Variants in SMOC2 observed in about 807,000 individuals in gnomAD.
SMOC2 encodes the protein SPARC-related modular calcium-binding protein 2.
Under a neutral mutation model 61.4 loss-of-function variants are expected in SMOC2, and 39 were observed. The ratio of observed to expected loss-of-function variants is 0.64; its 90% CI spans 0.49 to 0.83. The LOEUF is 0.83. SMOC2 is among the 40% of genes least tolerant of loss of function. SMOC2 has a pLI of 0.00. For synonymous variants in SMOC2, 247 were observed against 239.9 expected (o/e 1.03, Z -0.27); for missense variants, 556 against 592.9 (o/e 0.94, Z 0.65).
At chr6:168,501,489 G>T (rs1386445762) in intron 1 of SMOC2, among the ~76,000 whole-genome samples, 1 of 151,892 alleles carries the variant, frequency 6.6e-6, no homozygotes, top group Non-Finnish European at 1.5e-5. Flanking sequence ...CTCGCCACGG[G>T]GCCAGGAACC....
chr6:168,630,280 GC>G (rs1786532494), intron 9 of SMOC2, among the ~76,000 whole-genome samples: 1 of 152,208 alleles, frequency 6.6e-6, no homozygotes, highest in African/African-American at 2.4e-5. Flanking sequence ...TGAAGCCATG[GC>G]AGAAGAACGT....
intron 11 of SMOC2, among the ~76,000 whole-genome samples, chr6:168,659,170 A>G (rs373712721): frequency 6.6e-6 from 1 of 152,000 alleles, no homozygotes; most frequent in South Asian, 2.1e-4. Flanking sequence ...GCATTCATCT[A>G]TGTGTCCTAC....
chr6:168,616,063 A>C (rs941212060), intron 9 of SMOC2, among the ~76,000 whole-genome samples: 4 of 152,214 alleles, frequency 2.6e-5, no homozygotes, highest in Non-Finnish European at 4.4e-5. Context: ...CAAAGCAGAC[A>C]GGAGCCGGCC....
At chr6:168,664,368 T>C (rs183348499) in intron 12 of SMOC2, 286 of 497,546 alleles carry the variant, frequency 5.7e-4, no homozygotes, top group African/African-American at 5.5e-3. Context: ...TTTCTGAGTT[T>C]CCTTGTTTGG....
intron 9 of SMOC2, among the ~76,000 whole-genome samples, chr6:168,616,893 G>C (rs921978378): frequency 4.6e-5 from 7 of 152,160 alleles, no homozygotes; most frequent in African/African-American, 2.4e-5. Context: ...CTGCACTGCG[G>C]GGGGGTTGCA....
At chr6:168,589,002 G>A (rs1317827268) in intron 7 of SMOC2, among the ~76,000 whole-genome samples, 1 of 151,666 alleles carries the variant, frequency 6.6e-6, no homozygotes, top group Non-Finnish European at 1.5e-5. Context: ...ACTTGAACCG[G>A]GGAGGTGGAG....
At chr6:168,629,308 T>G (rs1786503360) in intron 9 of SMOC2, among the ~76,000 whole-genome samples, 1 of 152,230 alleles carries the variant, frequency 6.6e-6, no homozygotes, top group Non-Finnish European at 1.5e-5. Context: ...CTTTTGATTC[T>G]TCCCACATGG....
intron 1 of SMOC2, among the ~76,000 whole-genome samples, chr6:168,477,298 G>A (rs1782110335): frequency 6.6e-6 from 1 of 152,222 alleles, no homozygotes; most frequent in Non-Finnish European, 1.5e-5. Context: ...GCAACCTCAT[G>A]CCCACACTGG....
In SMOC2 at chr6:168,635,370, C is replaced by G. The variant is rs989175060; in HGVS notation, c.908-15311C>G. 7.9e-5 allele frequency among the ~76,000 whole-genome samples: 12 copies of G among 152,276 alleles called. 1 individual carries two copies. In the South Asian group the frequency reaches 8.3e-4, roughly 11 times the overall value. On this transcript the variant is annotated intron_variant, in intron 9 of 12. Transcript: ENST00000356284. ...TAAAGAGCGCAGGGAAAAAATAAAC[C>G]CTCAGATCATTCCATTCTGTGGGGG...
intron 7 of SMOC2, among the ~76,000 whole-genome samples, chr6:168,571,818 G>A (rs1784672937): frequency 1.4e-5 from 2 of 144,918 alleles, no homozygotes; most frequent in South Asian, 4.2e-4. Flanking sequence ...CGCATCCCTG[G>A]GTGCTGGGAC....
chr6:168,583,066 A>C lies in SMOC2; in HGVS notation c.638-15752A>C, dbSNP rs73260667. Among the ~76,000 whole-genome samples the C allele has an allele frequency of 1.7e-3, 256 of 152,370 alleles. 1 individual carries two copies. The highest frequency in any genetic ancestry group is 5.9e-3 in the African/African-American group (247 of 41,594). On this transcript the variant is annotated intron_variant, in intron 7 of 12. Transcript: ENST00000356284. Reference sequence around the variant, plus strand: ...ATTCTGAACTGTTTTGAACAGGAGGAGCCATGCTACTTACTTAAGAAAAGT... The same window carrying C: ...ATTCTGAACTGTTTTGAACAGGAGGCGCCATGCTACTTACTTAAGAAAAGT...
intron 9 of SMOC2, among the ~76,000 whole-genome samples, chr6:168,634,374 A>C (rs1403218888): frequency 6.6e-6 from 1 of 152,214 alleles, no homozygotes; most frequent in Non-Finnish European, 1.5e-5. Flanking sequence ...ATAATTGTGC[A>C]TCAAGGGTTG....
chr6:168,576,714 G>T (rs566642319), intron 7 of SMOC2, among the ~76,000 whole-genome samples: 1 of 152,158 alleles, frequency 6.6e-6, no homozygotes, highest in Admixed American at 6.5e-5. Flanking sequence ...ATGAGGGAAG[G>T]TTTCCCTGAG....
Position 168,535,645 on chromosome 6 carries a change from G to A in SMOC2, c.463+7918G>A, listed in dbSNP as rs1484913262. On this transcript the variant is annotated intron_variant, in intron 4 of 12. Transcript: ENST00000356284. This position sits in a 1 kb window ranked among gnomAD's most constrained non-coding sequence, Gnocchi z 4.6. ...AAAGTCCACCGAAACCCTCCTCCAAGTCCATAAATAACATAAAGGATCACT... is the reference window on the plus strand; with the variant it reads ...AAAGTCCACCGAAACCCTCCTCCAAATCCATAAATAACATAAAGGATCACT... Among the ~76,000 whole-genome samples, 1 of 152,182 alleles carries A rather than the reference G, an allele frequency of 6.6e-6. No homozygotes were observed. Among genetic ancestry groups the A allele is most frequent in the Non-Finnish European group, 1.5e-5 (1 of 68,032 alleles).
intron 4 of SMOC2, among the ~76,000 whole-genome samples, chr6:168,541,443 G>A (rs1467725701): frequency 1.3e-5 from 2 of 152,184 alleles, no homozygotes; most frequent in African/African-American, 4.8e-5. Flanking sequence ...ACACTTGGAA[G>A]TTCAGCAAAT....
At chr6:168,562,602 G>A (rs1784446588) in intron 7 of SMOC2, among the ~76,000 whole-genome samples, 1 of 152,134 alleles carries the variant, frequency 6.6e-6, no homozygotes, top group Admixed American at 6.5e-5. Context: ...CAAACAAGAG[G>A]CGAGGGCTAG....
In SMOC2 at chr6:168,527,689, G is replaced by A; in HGVS notation, c.425G>A (p.Ser142Asn). The change falls in exon 4 of 13, where the codon AGC becomes AAC. Residue 142 changes from serine to asparagine, a missense_variant. Transcript: ENST00000356284. ...WCVTPNGRPI[S>N]GTAVAHKTPR... ...GTCACGCCCAACGGGAGGCCCATCA[G>A]CGGCACTGCCGTGGCCCACAAGACG... The A allele has an allele frequency of 6.4e-7, 1 of 1,552,402 alleles. No homozygotes were observed. Among genetic ancestry groups the A allele is most frequent in the Non-Finnish European group, 8.7e-7 (1 of 1,147,574 alleles).
intron 7 of SMOC2, among the ~76,000 whole-genome samples, chr6:168,555,271 A>C (rs1351823514): frequency 6.6e-6 from 1 of 152,270 alleles, no homozygotes; most frequent in Non-Finnish European, 1.5e-5. Context: ...ACATATTGCA[A>C]AAGCGGTTCA....
intron 8 of SMOC2, among the ~76,000 whole-genome samples, chr6:168,607,115 G>A (rs1334934262): frequency 6.6e-6 from 1 of 152,072 alleles, no homozygotes; most frequent in African/African-American, 2.4e-5. Context: ...CCTTCATGCT[G>A]GTGAGAAGCC....
Sources: allele counts gnomAD v4.1 joint callset (sites outside exome capture counted in the v4.1 genomes callset), GRCh38; gene constraint gnomAD v4.1.1; non-coding constraint Gnocchi (gnomAD v3.1); transcripts MANE v1.5; gene names NCBI Gene and HGNC (gene_info 2026-07-23, HGNC 2026-07-21).